Variants in CNTN4 observed in about 807,000 individuals in gnomAD.
CNTN4 encodes the protein contactin-4.
A neutral mutation model predicts 122.5 loss-of-function variants in CNTN4; 77 were observed. The ratio of observed to expected loss-of-function variants is 0.63; its 90% CI spans 0.52 to 0.76. The LOEUF is 0.76. Ranked by LOEUF, CNTN4 falls within the 30% of genes least tolerant of loss-of-function variation. CNTN4 has a pLI of 0.00. For missense variants in CNTN4, 1,256 were observed against 1,259.1 expected (o/e 1.00, Z 0.04); for synonymous variants, 512 against 447.0 (o/e 1.15, Z -1.83).
At chr3:2,382,036 T>G (rs1311992414) in intron 3 of CNTN4, among the ~76,000 whole-genome samples, 8 of 152,198 alleles carry the variant, frequency 5.3e-5, no homozygotes, top group African/African-American at 1.9e-4. Flanking sequence ...TTGATTTGCT[T>G]AGGGACATAA....
intron 2 of CNTN4, among the ~76,000 whole-genome samples, chr3:2,293,687 A>G (rs959341975): frequency 1.3e-5 from 2 of 152,204 alleles, no homozygotes; most frequent in African/African-American, 2.4e-5. Context: ...TCTTACGAGT[A>G]TATCTCTTTA....
intron 3 of CNTN4, among the ~76,000 whole-genome samples, chr3:2,373,145 C>G (rs550641224): frequency 1.3e-5 from 2 of 152,322 alleles, no homozygotes; most frequent in South Asian, 4.1e-4. Flanking sequence ...GGGAAGAAAA[C>G]TGGGGTTAGA....
chr3:3,026,016 A>G, intron 14 of CNTN4, 86 bp from the exon 15 acceptor site: 2 of 1,299,624 alleles, frequency 1.5e-6, no homozygotes, highest in Non-Finnish European at 2.2e-6. Context: ...TTAGTATTTC[A>G]TCCTGCTCTT....
At chr3:2,848,160 G>A (rs965410308) in intron 7 of CNTN4, among the ~76,000 whole-genome samples, 1 of 152,120 alleles carries the variant, frequency 6.6e-6, no homozygotes, top group Non-Finnish European at 1.5e-5. Context: ...GGTCACTTGA[G>A]CCCAGGAATT....
chr3:2,741,660 G>C (rs9823500), intron 5 of CNTN4, among the ~76,000 whole-genome samples: 99,150 of 152,110 alleles, frequency 0.65, 34,851 homozygotes, highest in Non-Finnish European at 0.8. Flanking sequence ...AGCAACGGCT[G>C]TTAGGTACAC....
chr3:3,031,421 T>A (rs1261325639), intron 16 of CNTN4, among the ~76,000 whole-genome samples: 1 of 152,190 alleles, frequency 6.6e-6, no homozygotes, highest in Non-Finnish European at 1.5e-5. Context: ...CTTTTTTCCC[T>A]AAACTTCACA....
At chr3:2,607,654 C>T (rs1170163151) in intron 4 of CNTN4, among the ~76,000 whole-genome samples, 1 of 58,380 alleles carries the variant, frequency 1.7e-5, no homozygotes, top group Non-Finnish European at 4.3e-5. Context: ...AGTATAAAAA[C>T]ATGGTAATGA....
chr3:2,884,128 A>G (rs191000006), intron 9 of CNTN4, among the ~76,000 whole-genome samples: 228 of 151,944 alleles, frequency 1.5e-3, no homozygotes, highest in Non-Finnish European at 2.7e-3. Context: ...CGGTAGAGGC[A>G]GGATCTGCGT....
intron 4 of CNTN4, among the ~76,000 whole-genome samples, chr3:2,726,904 A>T (rs992560212): frequency 1.3e-5 from 2 of 152,208 alleles, no homozygotes; most frequent in African/African-American, 4.8e-5. Context: ...TGTTAACAAT[A>T]CGGGAAACTG....
intron 3 of CNTN4, among the ~76,000 whole-genome samples, chr3:2,531,687 G>C (rs115963858): frequency 2.6e-3 from 389 of 152,136 alleles, no homozygotes; most frequent in African/African-American, 8.9e-3. Context: ...CGAGATTTCT[G>C]ACCTTTTCCC....
chr3:2,962,698 G>A (rs920772189), intron 13 of CNTN4, among the ~76,000 whole-genome samples: 1 of 152,182 alleles, frequency 6.6e-6, no homozygotes, highest in Non-Finnish European at 1.5e-5. Context: ...CACAGGGAAA[G>A]GGAGGGCCTC....
intron 18 of CNTN4, among the ~76,000 whole-genome samples, chr3:3,037,923 A>C (rs1043389986): frequency 6.6e-6 from 1 of 152,218 alleles, no homozygotes; most frequent in Non-Finnish European, 1.5e-5. Context: ...GAACAAGTTC[A>C]TCAGGGTCAG....
chr3:2,538,271 C>G (rs2077888292), intron 3 of CNTN4, among the ~76,000 whole-genome samples: 1 of 152,102 alleles, frequency 6.6e-6, no homozygotes, highest in Admixed American at 6.6e-5. Flanking sequence ...ACTTTGATCT[C>G]AGACTTCTAG....
At chr3:2,784,841 A>T in intron 6 of CNTN4, among the ~76,000 whole-genome samples, 1 of 152,220 alleles carries the variant, frequency 6.6e-6, no homozygotes, top group Non-Finnish European at 1.5e-5. Flanking sequence ...ACCATGGCTC[A>T]TAGAAGGTAT....
intron 3 of CNTN4, among the ~76,000 whole-genome samples, chr3:2,340,700 T>TAG (rs1370813805): frequency 7.1e-5 from 1 of 14,148 alleles, no homozygotes; most frequent in Non-Finnish European, 3.0e-4. Flanking sequence ...TATATATATA[T>TAG]ATATATATAT....
At chr3:2,219,467 C>T (rs960229312) in intron 2 of CNTN4, among the ~76,000 whole-genome samples, 32 of 152,182 alleles carry the variant, frequency 2.1e-4, no homozygotes, top group African/African-American at 7.7e-4. Context: ...ATTTGTGTTA[C>T]GTTGGATTTT....
intron 4 of CNTN4, among the ~76,000 whole-genome samples, chr3:2,735,665 T>C (rs1313480570): frequency 6.6e-6 from 1 of 152,158 alleles, no homozygotes; most frequent in Non-Finnish European, 1.5e-5. Flanking sequence ...CTGCAGATAA[T>C]GTGAGAATAA....
chr3:2,252,951 T>C (rs1323885867), intron 2 of CNTN4, among the ~76,000 whole-genome samples: 2 of 152,094 alleles, frequency 1.3e-5, no homozygotes, highest in Admixed American at 6.6e-5. Context: ...TTTTTGTCTT[T>C]TAGGGACTAC....
intron 4 of CNTN4, among the ~76,000 whole-genome samples, chr3:2,735,643 C>G (rs867862414): frequency 6.6e-6 from 1 of 152,096 alleles, no homozygotes; most frequent in Admixed American, 6.6e-5. Context: ...AAACAAAGAA[C>G]CTAGTCCTTC....
Sources: allele counts gnomAD v4.1 joint callset (sites outside exome capture counted in the v4.1 genomes callset), GRCh38; gene constraint gnomAD v4.1.1; transcripts MANE v1.5; gene names NCBI Gene and HGNC (gene_info 2026-07-23, HGNC 2026-07-21).